Variants in CCDC14 observed in about 807,000 individuals in gnomAD.
CCDC14 encodes the protein coiled-coil domain-containing protein 14.
In CCDC14, 71 loss-of-function variants were observed where a neutral mutation model predicts 81.4. That is an observed-to-expected ratio of 0.87 (90% confidence interval 0.72 to 1.06). CCDC14 has a LOEUF of 1.06. Among genes scored for constraint, CCDC14 ranks in the 50% least tolerant of loss-of-function variants. The pLI, the probability that CCDC14 is intolerant of heterozygous loss-of-function variation, is 0.00. For synonymous variants in CCDC14, 332 were observed against 364.8 expected (o/e 0.91, Z 1.03); for missense variants, 1,046 against 1,047.3 (o/e 1.00, Z 0.02).
intron 9 of CCDC14, among the ~76,000 whole-genome samples, chr3:123,934,027 C>G (rs2035903779): frequency 6.6e-6 from 1 of 152,102 alleles, no homozygotes; most frequent in African/African-American, 2.4e-5. Context: ...AATCCCAGCA[C>G]TTTGGGAGGT....
intron 5 of CCDC14, among the ~76,000 whole-genome samples, chr3:123,898,711 A>G (rs959261949): frequency 2.0e-5 from 3 of 152,264 alleles, no homozygotes; most frequent in East Asian, 1.9e-4. Flanking sequence ...TCTTTGAGAC[A>G]GGGTCTTGCT....
In CCDC14 at chr3:123,915,277, T is replaced by G; in HGVS notation, c.2220A>C (p.Glu740Asp). The G allele has an allele frequency of 6.2e-7, 1 of 1,613,950 alleles. No individual in the cohort carries two copies. The highest frequency in any genetic ancestry group is 8.5e-7 in the Non-Finnish European group (1 of 1,179,888). Reference protein sequence around the residue: ...IYIPFARSTPEKKSPLSKRLS... With the variant: ...IYIPFARSTPDKKSPLSKRLS... ...GTCTCTTAGAAAGTGGTGATTTCTT[T>G]TCAGGAGTGCTTCTAGCAAAAGGAA... Residue 740 changes from glutamate (E) to aspartate (D), a missense_variant, in exon 13 of 13, where the codon GAA becomes GAC. Transcript: ENST00000409697.
chr3:123,892,482 T>C (rs1171439228), downstream of CCDC14, among the ~76,000 whole-genome samples: 2 of 152,228 alleles, frequency 1.3e-5, no homozygotes, highest in Non-Finnish European at 2.9e-5. Flanking sequence ...TGAACTGCCC[T>C]GGAGACATTT....
chr3:123,914,816 A>G lies in CCDC14; in HGVS notation c.2681T>C (p.Leu894Pro). The change falls in exon 13 of 13, where the codon CTC becomes CCC. Residue 894 changes from leucine (L) to proline (P), a missense_variant. By Grantham distance (98) the Leu-to-Pro change is moderately conservative (BLOSUM62 -3). Coordinates refer to ENST00000409697, the MANE Select transcript of CCDC14 (RefSeq NM_001366335.1). Reference sequence around the variant, plus strand: ...AAGACCAGTCCTTAAAGACTTCTGGAGTCTAGCTATGTTGGCATCTAATGC... The same window carrying G: ...AAGACCAGTCCTTAAAGACTTCTGGGGTCTAGCTATGTTGGCATCTAATGC... ...LAALDANIAR[L>P]QKSLRTGLLE... is the part of the protein sequence containing the mutation. The G allele has an allele frequency of 6.3e-7, 1 of 1,582,276 alleles. No homozygotes were observed. Among genetic ancestry groups the G allele is most frequent in the Non-Finnish European group, 8.6e-7 (1 of 1,163,396 alleles).
chr3:123,918,761 C>A lies in CCDC14; in HGVS notation c.1779-3043G>T, dbSNP rs531098766. ...ACAGGGCTAGAACACTTGGGGTTAGCGGAAAACAAAAAAGAGGGATACAGC... is the reference window on the plus strand; with the variant it reads ...ACAGGGCTAGAACACTTGGGGTTAGAGGAAAACAAAAAAGAGGGATACAGC... On this transcript the variant is annotated intron_variant, in intron 12 of 12. Transcript: ENST00000409697. 1.4e-4 allele frequency among the ~76,000 whole-genome samples: 22 copies of A among 152,076 alleles called. No homozygotes were observed. The Middle Eastern group carries it at 0.01, about 71-fold the overall frequency.
intron 10 of CCDC14, among the ~76,000 whole-genome samples, chr3:123,931,823 A>C (rs1031225670): frequency 2.0e-5 from 3 of 152,216 alleles, no homozygotes. Flanking sequence ...AAAAATTCAA[A>C]CACCACAGAA....
At chr3:123,908,603 A>C (rs1475069763), downstream of CCDC14, among the ~76,000 whole-genome samples, 1 of 152,210 alleles carries the variant, frequency 6.6e-6, no homozygotes, top group Non-Finnish European at 1.5e-5. Flanking sequence ...TTGGCCAAAG[A>C]TATAATACAA....
intron 12 of CCDC14, 124 bp downstream of exon 12, chr3:123,930,978 A>G (rs1021516554): frequency 1.4e-5 from 12 of 837,204 alleles, no homozygotes; most frequent in Admixed American, 1.1e-4. Context: ...AGAAATTAGC[A>G]AAAACATTGG....
chr3:123,948,950 T>C lies in CCDC14; in HGVS notation c.535A>G (p.Lys179Glu), dbSNP rs770378821. The change falls in exon 6 of 13, where the codon AAG (lysine) becomes GAG (glutamate). Residue 179 changes from lysine (K) to glutamate (E), a missense_variant. Coordinates refer to ENST00000409697, the MANE Select transcript of CCDC14 (RefSeq NM_001366335.1). ...GCAGGAATTCCATTAGGGATGTTCT[T>C]TGAAGTCAAGTCATTCATCAGTGAC... ...QMSLMNDLTSKNIPNGIPAVP... is the reference protein window; with the variant it reads ...QMSLMNDLTSENIPNGIPAVP... The C allele has an allele frequency of 2.5e-6, 4 of 1,613,882 alleles. No homozygotes were observed. In the Admixed American group the frequency reaches 5.0e-5, roughly 20 times the overall value.
At chr3:123,942,759 A>G (rs1359115075) in intron 9 of CCDC14, among the ~76,000 whole-genome samples, 1 of 152,080 alleles carries the variant, frequency 6.6e-6, no homozygotes, top group Non-Finnish European at 1.5e-5. Context: ...ATAAATAGAC[A>G]CTGAAGTGTT....
At chr3:123,930,047 T>TTC (rs2035607186) in intron 12 of CCDC14, among the ~76,000 whole-genome samples, 1 of 152,206 alleles carries the variant, frequency 6.6e-6, no homozygotes, top group African/African-American at 2.4e-5. Context: ...AACCTCTGAC[T>TTC]AGAACCTAAT....
intron 1 of CCDC14, chr3:123,957,894 A>G (rs949847969): frequency 8.5e-5 from 13 of 152,084 alleles, no homozygotes; most frequent in African/African-American, 3.1e-4. Context: ...AGTTTTATTT[A>G]TAATTTCTCT....
chr3:123,905,556 A>G (rs551219698), intron 5 of CCDC14, among the ~76,000 whole-genome samples: 31 of 152,310 alleles, frequency 2.0e-4, no homozygotes, highest in Admixed American at 4.6e-4. Context: ...TCAGGAAAAA[A>G]AAAGATACAG....
intron 12 of CCDC14, among the ~76,000 whole-genome samples, chr3:123,929,356 G>A (rs921192870): frequency 1.4e-4 from 21 of 151,850 alleles, no homozygotes; most frequent in Non-Finnish European, 2.2e-4. Context: ...TGTCGCCCAC[G>A]TTGGAATGCA....
At chr3:123,932,224 G>A (rs752351154) in intron 10 of CCDC14, among the ~76,000 whole-genome samples, 4 of 152,110 alleles carry the variant, frequency 2.6e-5, no homozygotes, top group Non-Finnish European at 5.9e-5. Flanking sequence ...TGATCTCAAA[G>A]AAACAATAAG....
chr3:123,955,829 G>GA lies in CCDC14; in HGVS notation c.352+13dup. 5 of 1,493,176 alleles carry GA rather than the reference G, an allele frequency of 3.3e-6. No individual in the cohort carries two copies. The highest frequency in any genetic ancestry group is 4.5e-6 in the Non-Finnish European group (5 of 1,119,558). The allele number at this position is 1,493,176 out of a possible 1,614,324, so 92.5% of individuals were successfully genotyped here. A position where few individuals can be genotyped will look rare whatever the true frequency, so the allele number is the denominator to read the frequency against. ...AAGGATTATCTTTAAATAACTAAGA[G>GA]AAAAAAGGCTTACATGTTTCTTTCT... On this transcript the variant is annotated intron_variant, in intron 5 of 12. Transcript: ENST00000409697.
At chr3:123,938,957 T>C (rs1269822280) in intron 9 of CCDC14, among the ~76,000 whole-genome samples, 1 of 151,994 alleles carries the variant, frequency 6.6e-6, no homozygotes, top group Non-Finnish European at 1.5e-5. Context: ...TTCTGATCTA[T>C]AACCATAATT....
chr3:123,891,309 T>C, the CCDC14 span, among the ~76,000 whole-genome samples: 14 of 152,372 alleles, frequency 9.2e-5, no homozygotes, highest in Admixed American at 2.0e-4. Flanking sequence ...TGCAAATTTC[T>C]GCAGCAGGCT....
At chr3:123,903,022 T>C (rs2034209273) in intron 5 of CCDC14, among the ~76,000 whole-genome samples, 1 of 152,148 alleles carries the variant, frequency 6.6e-6, no homozygotes, top group South Asian at 2.1e-4. Flanking sequence ...CCTGTGTCTA[T>C]GTCTTCTCAT....
Sources: allele counts gnomAD v4.1 joint callset (sites outside exome capture counted in the v4.1 genomes callset), GRCh38; gene constraint gnomAD v4.1.1; transcripts MANE v1.5; gene names NCBI Gene and HGNC (gene_info 2026-07-23, HGNC 2026-07-21).